The following ENOX1 variants were observed in gnomAD, a reference collection of about 807,000 sequenced individuals.
The protein encoded by ENOX1 is ecto-NOX disulfide-thiol exchanger 1.
A neutral mutation model predicts 82.5 loss-of-function variants in ENOX1; 42 were observed. The ratio of observed to expected loss-of-function variants is 0.51; its 90% confidence interval spans 0.40 to 0.66. The LOEUF is 0.66. Ranked by LOEUF, ENOX1 falls within the 30% of genes least tolerant of loss-of-function variation. The pLI is 0.00. For synonymous variants in ENOX1, 271 were observed against 282.2 expected, an observed-to-expected ratio of 0.96 and a Z score of 0.40; for missense variants, 608 against 811.6, an observed-to-expected ratio of 0.75 and a Z score of 3.05.
chr13:43,434,060 A>T (rs2055849845), intron 3 of ENOX1, among the ~76,000 whole-genome samples: 1 of 152,218 alleles, frequency 6.6e-6, no homozygotes, highest in South Asian at 2.1e-4. Context: ...CACTGGCAGT[A>T]GGGCCTTCCC....
At chr13:43,288,310 GA>G (rs2045817644) in intron 12 of ENOX1, among the ~76,000 whole-genome samples, 2 of 152,144 alleles carry the variant, frequency 1.3e-5, no homozygotes, top group African/African-American at 4.8e-5. Context: ...CTTTTAATAT[GA>G]ATGTGGGAAA....
chr13:43,394,209 T>C (rs2052990243), intron 5 of ENOX1, among the ~76,000 whole-genome samples: 1 of 152,226 alleles, frequency 6.6e-6, no homozygotes, highest in South Asian at 2.1e-4. Context: ...AGGCTTTTCC[T>C]TTAATATCTA....
chr13:43,708,933 AT>A (rs1462301222), intron 1 of ENOX1, among the ~76,000 whole-genome samples: 1 of 152,198 alleles, frequency 6.6e-6, no homozygotes, highest in East Asian at 1.9e-4. Context: ...CAAGCCATAG[AT>A]TCCCAGAGTG....
chr13:43,694,688 G>T (rs1005145295), intron 1 of ENOX1, among the ~76,000 whole-genome samples: 1 of 152,156 alleles, frequency 6.6e-6, no homozygotes, highest in Non-Finnish European at 1.5e-5. Flanking sequence ...TTAATTTATG[G>T]TTAATCTTAG....
intron 2 of ENOX1, among the ~76,000 whole-genome samples, chr13:43,576,413 C>G (rs1374537484): frequency 1.3e-5 from 2 of 152,176 alleles, no homozygotes; most frequent in Non-Finnish European, 2.9e-5. Context: ...TGACACTTAT[C>G]ACACTTAGAA....
intron 12 of ENOX1, among the ~76,000 whole-genome samples, chr13:43,277,157 T>C (rs560983610): frequency 1.3e-5 from 2 of 152,360 alleles, no homozygotes; most frequent in South Asian, 4.1e-4. Flanking sequence ...AGGCTATACA[T>C]ATTTAATTCC....
At chr13:43,307,318 G>A (rs936383278) in intron 11 of ENOX1, among the ~76,000 whole-genome samples, 8 of 152,218 alleles carry the variant, frequency 5.3e-5, no homozygotes, top group African/African-American at 1.7e-4. Context: ...TGAGGTATCT[G>A]TACCACTTTG....
intron 3 of ENOX1, among the ~76,000 whole-genome samples, chr13:43,468,115 T>A (rs2057817527): frequency 6.6e-6 from 1 of 152,194 alleles, no homozygotes; most frequent in South Asian, 2.1e-4. Context: ...CTAACATTGT[T>A]CTTTTTCAAG....
chr13:43,653,136 G>C (rs1041090996), intron 2 of ENOX1, among the ~76,000 whole-genome samples: 13 of 152,186 alleles, frequency 8.5e-5, no homozygotes, highest in African/African-American at 3.1e-4. Flanking sequence ...ACAATATGCT[G>C]CTCTGCTACT....
chr13:43,782,003 T>C (rs1270561082), intron 1 of ENOX1, among the ~76,000 whole-genome samples: 1 of 152,202 alleles, frequency 6.6e-6, no homozygotes, highest in African/African-American at 2.4e-5. Flanking sequence ...AGTTTACAGG[T>C]TATAATAGCA....
At chr13:43,450,067 C>A (rs569194548) in intron 3 of ENOX1, among the ~76,000 whole-genome samples, 2 of 152,268 alleles carry the variant, frequency 1.3e-5, no homozygotes, top group South Asian at 4.1e-4. Context: ...AAAGCTTGTG[C>A]TTAAGGAGTA....
intron 14 of ENOX1, among the ~76,000 whole-genome samples, chr13:43,249,421 A>G (rs2043325098): frequency 6.6e-6 from 1 of 152,228 alleles, no homozygotes; most frequent in Admixed American, 6.5e-5. Context: ...AAACTAGAGC[A>G]GCAAACAGAA....
At chr13:43,665,923 C>T (rs1391633746) in intron 2 of ENOX1, among the ~76,000 whole-genome samples, 1 of 148,886 alleles carries the variant, frequency 6.7e-6, no homozygotes, top group East Asian at 2.0e-4. Context: ...AGGCACCATA[C>T]TAGATGCTTT....
chr13:43,701,043 C>T (rs2086880311), intron 1 of ENOX1, among the ~76,000 whole-genome samples: 1 of 152,120 alleles, frequency 6.6e-6, no homozygotes, highest in Admixed American at 6.6e-5. Context: ...ATTTCATCTT[C>T]ACATCATTTC....
chr13:43,453,786 GTGTGAA>G (rs1448789040), intron 3 of ENOX1, among the ~76,000 whole-genome samples: 1 of 152,184 alleles, frequency 6.6e-6, no homozygotes, highest in African/African-American at 2.4e-5. Flanking sequence ...TTAGGAATAT[GTGTGAA>G]TGGAAGGTGA....
At chr13:43,482,079 T>G (rs1215148196) in intron 3 of ENOX1, among the ~76,000 whole-genome samples, 1 of 152,196 alleles carries the variant, frequency 6.6e-6, no homozygotes, top group African/African-American at 2.4e-5. Flanking sequence ...CTGTGCAGTA[T>G]GAAGATTCCT....
chr13:43,213,997 G>A lies in ENOX1; in HGVS notation c.1925C>T (p.Thr642Ile), dbSNP rs1566250601. Reference protein sequence around the residue: ...WKLCAFEGIKTT With the variant: ...WKLCAFEGIKIT ...ATGCTTTGCTCTTCGCAGTTAGGTAGTTTTAATTCCTTCAAAGGCACACAG... is the reference window on the plus strand; with the variant it reads ...ATGCTTTGCTCTTCGCAGTTAGGTAATTTTAATTCCTTCAAAGGCACACAG... Residue 642 changes from threonine to isoleucine, a missense_variant, in exon 17 of 17, where the codon ACT (threonine) becomes ATT (isoleucine). Thr to Ile is a moderately conservative substitution (Grantham distance 89). Coordinates refer to ENST00000690772, the MANE Select transcript of ENOX1 (RefSeq NM_001347969.2). 1.2e-6 allele frequency: 2 copies of A among 1,613,734 alleles called. No homozygotes were observed. Among genetic ancestry groups the A allele is most frequent in the South Asian group, 1.1e-5 (1 of 90,994 alleles).
At chr13:43,774,941 A>G (rs1296882190) in intron 1 of ENOX1, among the ~76,000 whole-genome samples, 1 of 151,884 alleles carries the variant, frequency 6.6e-6, no homozygotes. Flanking sequence ...CCTCTGCTCC[A>G]CAGGTTCAAG....
rs140645928 is a variant in ENOX1 at position 43,340,322 on chromosome 13, G to A, written c.1036+4216C>T. ...CACATTTAAGGTATCCCCCATCTTC[G>A]AGTCATCCTGAAAGATCTTGGCTGT... On this transcript the variant is annotated intron_variant, in intron 9 of 16. Transcript: ENST00000690772. 2.2e-4 allele frequency among the ~76,000 whole-genome samples: 33 copies of A among 152,252 alleles called. No homozygotes were observed. In the East Asian group the frequency reaches 5.8e-3, roughly 27 times the overall value.
Sources: allele counts gnomAD v4.1 joint callset (sites outside exome capture counted in the v4.1 genomes callset), GRCh38; gene constraint gnomAD v4.1.1; transcripts MANE v1.5; gene names NCBI Gene and HGNC (gene_info 2026-07-23, HGNC 2026-07-21).